GULP1: variants seen among roughly 807,000 people sequenced by gnomAD.
The protein encoded by GULP1 is GULP PTB domain containing engulfment adaptor 1, also known as PTB domain-containing engulfment adapter protein 1.
GULP1 carries 19 observed loss-of-function variants against 40.9 expected under a neutral mutation model. That is an observed-to-expected ratio of 0.46 (90% CI 0.32 to 0.68). The LOEUF (loss-of-function observed/expected upper bound fraction) is 0.68, where lower values mean the gene tolerates loss of function less well. Among genes scored for constraint, GULP1 ranks in the 30% least tolerant of loss-of-function variants. GULP1 has a pLI of 0.03. For synonymous variants in GULP1, 119 were observed against 117.6 expected (o/e 1.01, Z -0.08); for missense variants, 312 against 362.2 (o/e 0.86, Z 1.12).
intron 7 of GULP1, among the ~76,000 whole-genome samples, chr2:188,568,689 C>G (rs1320923045): frequency 6.6e-6 from 1 of 152,116 alleles, no homozygotes; most frequent in African/African-American, 2.4e-5. Flanking sequence ...TCACTTCCAC[C>G]AGGCAACAAT....
chr2:188,452,741 C>T (rs1286672160), intron 2 of GULP1, among the ~76,000 whole-genome samples: 1 of 152,136 alleles, frequency 6.6e-6, no homozygotes, highest in East Asian at 1.9e-4. Flanking sequence ...TGACAAGGAT[C>T]GAGTTTCCCA....
At chr2:188,401,550 G>A (rs1168470841) in intron 2 of GULP1, among the ~76,000 whole-genome samples, 1 of 152,026 alleles carries the variant, frequency 6.6e-6, no homozygotes, top group African/African-American at 2.4e-5. Flanking sequence ...TTTTAAACAT[G>A]AGTGATTAAT....
At chr2:188,541,472 T>C (rs1293091356) in intron 7 of GULP1, 154 bp downstream of exon 7, 1 of 728,026 alleles carries the variant, frequency 1.4e-6, no homozygotes, top group Non-Finnish European at 2.5e-6. Flanking sequence ...AATAGATTTA[T>C]TTTGTCATGA....
At chr2:188,452,885 TTAAG>T (rs775589885) in intron 2 of GULP1, among the ~76,000 whole-genome samples, 1 of 152,200 alleles carries the variant, frequency 6.6e-6, no homozygotes, top group Non-Finnish European at 1.5e-5. Context: ...ACTTACAACA[TTAAG>T]TAGTAAATAA....
At chr2:188,546,448 A>G (rs917993612) in intron 7 of GULP1, among the ~76,000 whole-genome samples, 14 of 152,088 alleles carry the variant, frequency 9.2e-5, no homozygotes, top group African/African-American at 3.4e-4. Context: ...GAAATGAAAC[A>G]TCATATTCAT....
intron 2 of GULP1, among the ~76,000 whole-genome samples, chr2:188,431,754 C>T (rs1050125231): frequency 3.9e-5 from 6 of 151,958 alleles, no homozygotes; most frequent in African/African-American, 1.4e-4. Flanking sequence ...ATCCATCTGC[C>T]TTAACTAACC....
intron 11 of GULP1, chr2:188,593,086 T>C (rs1002764347): frequency 2.6e-5 from 4 of 152,094 alleles, no homozygotes; most frequent in Non-Finnish European, 5.9e-5. Context: ...ACCTCCACTT[T>C]CATTGATCAG....
intron 2 of GULP1, among the ~76,000 whole-genome samples, chr2:188,445,158 T>G (rs567018381): frequency 6.6e-6 from 1 of 152,282 alleles, no homozygotes; most frequent in Admixed American, 6.5e-5. Context: ...GATGGGTGCA[T>G]AAACCTTGAC....
intron 2 of GULP1, among the ~76,000 whole-genome samples, chr2:188,418,704 A>G (rs543758233): frequency 1.3e-5 from 2 of 152,368 alleles, no homozygotes; most frequent in Admixed American, 6.5e-5. Context: ...TCACAATTTT[A>G]GATGACATTT....
intron 2 of GULP1, among the ~76,000 whole-genome samples, chr2:188,457,730 T>G (rs1009376674): frequency 6.6e-6 from 1 of 152,226 alleles, no homozygotes; most frequent in Non-Finnish European, 1.5e-5. Context: ...GTCTTTGCCC[T>G]TTTTTCTTTC....
intron 2 of GULP1, among the ~76,000 whole-genome samples, chr2:188,388,037 C>A (rs1192502870): frequency 1.3e-5 from 2 of 150,658 alleles, no homozygotes; most frequent in Non-Finnish European, 3.0e-5. Context: ...CGCCTCCCCC[C>A]ACCCCACAAC....
At chr2:188,486,594 A>G (rs1326392328) in intron 4 of GULP1, among the ~76,000 whole-genome samples, 3 of 151,988 alleles carry the variant, frequency 2.0e-5, no homozygotes, top group Non-Finnish European at 2.9e-5. Context: ...CTTTTTTAGA[A>G]CACATTTTAT....
intron 1 of GULP1, among the ~76,000 whole-genome samples, chr2:188,312,108 TTC>T (rs1163187111): frequency 6.6e-6 from 1 of 152,040 alleles, no homozygotes; most frequent in Non-Finnish European, 1.5e-5. Context: ...GCTATTGTCT[TTC>T]TGTTATGTCA....
At chr2:188,382,675 C>G (rs534929046) in intron 1 of GULP1, among the ~76,000 whole-genome samples, 1 of 152,234 alleles carries the variant, frequency 6.6e-6, no homozygotes, top group South Asian at 2.1e-4. Context: ...CACCTGAGGT[C>G]AGGGGTTCGA....
chr2:188,468,505 A>T (rs990014506), intron 2 of GULP1, among the ~76,000 whole-genome samples: 1 of 152,214 alleles, frequency 6.6e-6, no homozygotes, highest in African/African-American at 2.4e-5. Flanking sequence ...AACTATAGAT[A>T]TGTACTTGAT....
intron 2 of GULP1, among the ~76,000 whole-genome samples, chr2:188,469,292 A>T (rs956394584): frequency 7.2e-5 from 11 of 152,132 alleles, no homozygotes; most frequent in Non-Finnish European, 1.5e-4. Flanking sequence ...CATCTAAGTT[A>T]TATGGGGAAG....
chr2:188,515,501 C>T (rs2065078462), intron 4 of GULP1, among the ~76,000 whole-genome samples: 6 of 152,148 alleles, frequency 3.9e-5, no homozygotes, highest in Admixed American at 3.9e-4. Flanking sequence ...ACGTCAGAGT[C>T]ATGTTAACCT....
rs72898840 is a variant in GULP1, at chr2:188,594,286, G to A, written c.*275G>A. The A allele has an allele frequency of 0.014, 3,105 of 227,624 alleles. 28 individuals are homozygous for A. Among genetic ancestry groups the A allele is most frequent in the Non-Finnish European group, 0.02 (2,335 of 117,856 alleles). 14.1% of individuals were successfully genotyped at this position (227,624 alleles called of 1,614,324 possible). The stretch of plus-strand genomic sequence containing the variant: ...TGAAAGACATATTATACAAATACCT[G>A]CCTTGTGTCTGAGTTCTATTTAGTT... On this transcript the variant is annotated 3_prime_UTR_variant, in exon 12 of 12. Coordinates refer to ENST00000409830, the MANE Select transcript of GULP1 (RefSeq NM_016315.4).
At chr2:188,468,534 A>G (rs1433716041) in intron 2 of GULP1, among the ~76,000 whole-genome samples, 2 of 152,216 alleles carry the variant, frequency 1.3e-5, no homozygotes, top group Non-Finnish European at 2.9e-5. Context: ...AGCAAAGATA[A>G]CACCATTATT....
Sources: gnomAD v4.1 joint callset for allele counts (sites outside exome capture counted in the v4.1 genomes callset) on GRCh38, gnomAD v4.1.1 for gene constraint, MANE v1.5 for transcripts, NCBI Gene and HGNC (gene_info 2026-07-23, HGNC 2026-07-21) for gene names.